UVRAG: variants seen among roughly 807,000 people sequenced by gnomAD.
UVRAG encodes UV radiation resistance associated.
In UVRAG, 19 loss-of-function variants were observed where a neutral mutation model predicts 78.0. The observed-to-expected ratio is 0.24, with a 90% confidence interval of 0.17 to 0.36. The LOEUF (loss-of-function observed/expected upper bound fraction) is 0.36, where lower values mean the gene tolerates loss of function less well. UVRAG is among the 10% of genes least tolerant of loss of function. UVRAG has a pLI of 1.00. For missense variants in UVRAG, 740 were observed against 853.8 expected (o/e 0.87, Z 1.66); for synonymous variants, 323 against 324.6 (o/e 1.00, Z 0.05).
intron 1 of UVRAG, among the ~76,000 whole-genome samples, chr11:75,846,523 C>T (rs987691361): frequency 6.6e-6 from 1 of 151,946 alleles, no homozygotes; most frequent in South Asian, 2.1e-4. Context: ...TATAGTTTTG[C>T]ATTTTCACTG....
intron 2 of UVRAG, 139 bp downstream of exon 2, chr11:75,852,139 G>C (rs1018339193): frequency 3.1e-5 from 18 of 586,882 alleles, no homozygotes; most frequent in Non-Finnish European, 4.4e-5. Context: ...TATCTCATGA[G>C]CAGTTGGGAT....
At chr11:76,085,063 C>CAAAA (rs781218840) in intron 13 of UVRAG, among the ~76,000 whole-genome samples, 3 of 49,608 alleles carry the variant, frequency 6.0e-5, no homozygotes, top group African/African-American at 1.5e-4. Flanking sequence ...GACCCTGTCT[C>CAAAA]AAAAAAAAAA....
chr11:76,136,940 C>T (rs1952607555), intron 14 of UVRAG, among the ~76,000 whole-genome samples: 1 of 151,938 alleles, frequency 6.6e-6, no homozygotes, highest in African/African-American at 2.4e-5. Context: ...TTTTAGTTTT[C>T]CTGTAAAACT....
intron 6 of UVRAG, among the ~76,000 whole-genome samples, chr11:75,931,642 T>C (rs1316331016): frequency 1.3e-5 from 2 of 152,230 alleles, no homozygotes; most frequent in African/African-American, 4.8e-5. Context: ...TTTCACACTT[T>C]CTATTTTCCC....
intron 3 of UVRAG, among the ~76,000 whole-genome samples, chr11:75,877,083 A>G (rs1343510491): frequency 1.3e-5 from 2 of 151,478 alleles, no homozygotes; most frequent in Non-Finnish European, 2.9e-5. Flanking sequence ...GCATCTGTTT[A>G]ACAAAGCACA....
chr11:76,086,702 C>G (rs1305722992), intron 13 of UVRAG, among the ~76,000 whole-genome samples: 4 of 152,120 alleles, frequency 2.6e-5, no homozygotes, highest in Non-Finnish European at 4.4e-5. Flanking sequence ...ATAAGCATAA[C>G]AGACTTAACA....
intron 12 of UVRAG, among the ~76,000 whole-genome samples, chr11:76,055,281 C>T (rs543929845): frequency 8.5e-5 from 13 of 152,286 alleles, no homozygotes; most frequent in African/African-American, 2.9e-4. Context: ...CTCCTGGGCT[C>T]AAAGGATCCA....
intron 1 of UVRAG, among the ~76,000 whole-genome samples, chr11:75,847,570 C>A (rs1337388085): frequency 6.6e-6 from 1 of 152,150 alleles, no homozygotes; most frequent in South Asian, 2.1e-4. Flanking sequence ...CTGTGCCTGG[C>A]TCTGGAATGA....
chr11:75,909,983 A>C (rs1440606867), intron 5 of UVRAG, among the ~76,000 whole-genome samples: 1 of 152,128 alleles, frequency 6.6e-6, no homozygotes, highest in Non-Finnish European at 1.5e-5. Context: ...TCTTTCTTAA[A>C]TGTTTGATGA....
At chr11:75,899,379 A>C (rs1407604366) in intron 5 of UVRAG, among the ~76,000 whole-genome samples, 1 of 152,092 alleles carries the variant, frequency 6.6e-6, no homozygotes. Flanking sequence ...TACCATTGCC[A>C]GTTTTCATTT....
At chr11:75,977,606 A>G (rs1420753466) in intron 7 of UVRAG, among the ~76,000 whole-genome samples, 1 of 152,202 alleles carries the variant, frequency 6.6e-6, no homozygotes, top group East Asian at 1.9e-4. Flanking sequence ...AGTTGAATTG[A>G]TCTCTTTACC....
chr11:75,914,795 C>T (rs916296955), intron 6 of UVRAG, among the ~76,000 whole-genome samples: 2 of 151,888 alleles, frequency 1.3e-5, no homozygotes, highest in South Asian at 2.1e-4. Context: ...TGCCTGGCCC[C>T]GATTCTGTTT....
At position 76,092,032 on chromosome 11, in the gene UVRAG, T is replaced by C. The variant is rs569430036; in HGVS notation, c.1306-23892T>C. On this transcript the variant is annotated intron_variant, in intron 13 of 14. Coordinates refer to ENST00000356136, the MANE Select transcript of UVRAG (RefSeq NM_003369.4). ...CCGGCGTGTGATATTCCCCTTCCTA[T>C]GTACAAGTGTTCTCATTGTTCAATT... 8.3e-4 allele frequency among the ~76,000 whole-genome samples: 126 copies of C among 151,804 alleles called. 1 individual carries two copies. Among genetic ancestry groups the C allele is most frequent in the Non-Finnish European group, 1.2e-3 (84 of 67,926 alleles).
At chr11:75,985,145 A>ATTTCT (rs1949473633) in intron 8 of UVRAG, among the ~76,000 whole-genome samples, 1 of 144,462 alleles carries the variant, frequency 6.9e-6, no homozygotes, top group East Asian at 2.0e-4. Flanking sequence ...CTTGTCAGGA[A>ATTTCT]TTTCTTTTCT....
chr11:76,097,016 G>A (rs935349646), intron 13 of UVRAG, among the ~76,000 whole-genome samples: 11 of 152,114 alleles, frequency 7.2e-5, no homozygotes, highest in African/African-American at 2.2e-4. Context: ...TAACTGAAGC[G>A]TGCAACCCCT....
intron 1 of UVRAG, among the ~76,000 whole-genome samples, chr11:75,816,702 TCCA>T (rs1006006127): frequency 2.6e-5 from 4 of 152,178 alleles, no homozygotes; most frequent in African/African-American, 9.7e-5. Flanking sequence ...GCAGCCTTCC[TCCA>T]CCACCTTTAC....
At chr11:75,966,009 G>A (rs982567578) in intron 7 of UVRAG, among the ~76,000 whole-genome samples, 48 of 152,066 alleles carry the variant, frequency 3.2e-4, no homozygotes, top group African/African-American at 1.0e-3. Context: ...TGCTAAGAAT[G>A]CCCTTCATTA....
chr11:76,097,113 CA>C (rs973491078), intron 13 of UVRAG, among the ~76,000 whole-genome samples: 50 of 152,116 alleles, frequency 3.3e-4, no homozygotes, highest in African/African-American at 1.1e-3. Flanking sequence ...TCCATGTCTC[CA>C]GAACATTGCG....
chr11:76,135,882 C>T (rs932436306), intron 14 of UVRAG, among the ~76,000 whole-genome samples: 5 of 152,200 alleles, frequency 3.3e-5, no homozygotes, highest in Non-Finnish European at 5.9e-5. Context: ...CCACTCCTCC[C>T]AAAACACACA....
Sources: allele counts gnomAD v4.1 joint callset (sites outside exome capture counted in the v4.1 genomes callset), GRCh38; gene constraint gnomAD v4.1.1; transcripts MANE v1.5; gene names NCBI Gene and HGNC (gene_info 2026-07-23, HGNC 2026-07-21).